The following COL21A1 variants were observed in gnomAD, a reference collection of about 807,000 sequenced individuals.
COL21A1 encodes the protein collagen type XXI alpha 1 chain, also known as collagen alpha-1(XXI) chain.
In COL21A1, 149 loss-of-function variants were observed where a neutral mutation model predicts 137.9. That is an observed-to-expected ratio of 1.08 (90% CI 0.95 to 1.24). The LOEUF (loss-of-function observed/expected upper bound fraction) is 1.24, where lower values mean the gene tolerates loss of function less well. Ranked by LOEUF, COL21A1 falls within the 50% of genes most tolerant of loss-of-function variation. The probability of loss-of-function intolerance (pLI) is 0.00; values close to 1 mark genes in which losing one functional copy is unlikely to be tolerated. For synonymous variants in COL21A1, 456 were observed against 391.5 expected (o/e 1.16, Z -1.95); for missense variants, 1,167 against 1,158.4 (o/e 1.01, Z -0.11).
At position 56,168,313 on chromosome 6, in the gene COL21A1, G is replaced by A. The variant is rs1230701489; in HGVS notation, c.1027-16C>T. 17 of 1,514,058 alleles carry A rather than the reference G, an allele frequency of 1.1e-5. No individual in the cohort carries two copies. The highest frequency in any genetic ancestry group is 1.3e-5 in the Non-Finnish European group (15 of 1,123,318). 93.8% of individuals were successfully genotyped at this position (1,514,058 alleles called of 1,614,324 possible). ...CAAACAACGTCTACAAAAAGAAAGT[G>A]TGGAAGATTCATAAATAAAGCCCCT... On this transcript the variant is annotated splice_polypyrimidine_tract_variant and intron_variant, in intron 5 of 29. Coordinates refer to ENST00000244728, the MANE Select transcript of COL21A1 (RefSeq NM_030820.4).
intron 17 of COL21A1, among the ~76,000 whole-genome samples, chr6:56,091,149 A>G (rs954530190): frequency 7.2e-5 from 11 of 152,178 alleles, no homozygotes; most frequent in African/African-American, 2.7e-4. Context: ...TTCATCATTA[A>G]TGTTCCCCAA....
At chr6:56,116,534 A>G (rs968726983) in intron 16 of COL21A1, among the ~76,000 whole-genome samples, 4 of 151,966 alleles carry the variant, frequency 2.6e-5, no homozygotes, top group African/African-American at 9.7e-5. Flanking sequence ...CAGACCTACC[A>G]TACAAGAAAT....
intron 1 of COL21A1, among the ~76,000 whole-genome samples, chr6:56,333,021 A>G (rs1765265228): frequency 6.6e-6 from 1 of 151,954 alleles, no homozygotes. Context: ...AAATCTATTA[A>G]CCTTTTCTCT....
chr6:56,059,738 ATTT>A (rs1765630559), intron 28 of COL21A1, among the ~76,000 whole-genome samples: 3 of 152,172 alleles, frequency 2.0e-5, no homozygotes, highest in Non-Finnish European at 4.4e-5. Flanking sequence ...GTGATTTTCT[ATTT>A]AAAAACTTTT....
At chr6:56,120,815 A>C (rs1053992604) in intron 16 of COL21A1, among the ~76,000 whole-genome samples, 1 of 151,916 alleles carries the variant, frequency 6.6e-6, no homozygotes, top group East Asian at 1.9e-4. Context: ...AAAAAAAAAA[A>C]AACTAAAAAT....
chr6:56,200,246 T>C (rs571701566), intron 1 of COL21A1, among the ~76,000 whole-genome samples: 13 of 152,286 alleles, frequency 8.5e-5, no homozygotes, highest in African/African-American at 3.1e-4. Flanking sequence ...TAGAATTGTT[T>C]TTCCTAAATG....
At chr6:56,216,326 T>C (rs1330790298) in intron 1 of COL21A1, among the ~76,000 whole-genome samples, 1 of 152,066 alleles carries the variant, frequency 6.6e-6, no homozygotes, top group Non-Finnish European at 1.5e-5. Flanking sequence ...GGATAATTTA[T>C]TTTTAGGAAA....
intron 14 of COL21A1, among the ~76,000 whole-genome samples, chr6:56,125,015 T>C (rs1253123777): frequency 1.6e-4 from 14 of 85,184 alleles, no homozygotes; most frequent in African/African-American, 7.2e-4. Flanking sequence ...GTAAATCTTT[T>C]TTTTTTTTTT....
intron 1 of COL21A1, among the ~76,000 whole-genome samples, chr6:56,336,446 G>A (rs1489522984): frequency 6.6e-6 from 1 of 152,016 alleles, no homozygotes; most frequent in Non-Finnish European, 1.5e-5. Context: ...AACTAAATAT[G>A]GTAGAACAAA....
intron 17 of COL21A1, among the ~76,000 whole-genome samples, chr6:56,086,530 T>C (rs1340030734): frequency 1.3e-5 from 2 of 152,152 alleles, no homozygotes; most frequent in Non-Finnish European, 2.9e-5. Context: ...TATCTACTAT[T>C]CATTAAGTGG....
chr6:56,074,292 T>A lies in COL21A1; in HGVS notation c.1912-7A>T, dbSNP rs762409634. 6.4e-7 allele frequency: 1 copy of A among 1,566,986 alleles called. No homozygotes were observed. The highest frequency in any genetic ancestry group is 8.6e-7 in the Non-Finnish European group (1 of 1,156,726). ...CATTGCTTCCCATTAAACCCTACAA[T>A]TTTAAAAAGGAATTTCAAGAGTAAC... On this transcript the variant is annotated splice_region_variant and splice_polypyrimidine_tract_variant and intron_variant, in intron 19 of 29. Transcript: ENST00000244728.
chr6:56,323,194 C>A (rs549657215), intron 1 of COL21A1, among the ~76,000 whole-genome samples: 1 of 152,168 alleles, frequency 6.6e-6, no homozygotes, highest in African/African-American at 2.4e-5. Flanking sequence ...TTAAAAAATT[C>A]TCAAGTATTT....
intron 16 of COL21A1, among the ~76,000 whole-genome samples, chr6:56,120,763 C>T (rs1772417973): frequency 6.7e-6 from 1 of 150,046 alleles, no homozygotes; most frequent in Admixed American, 6.6e-5. Flanking sequence ...CATTGCACTC[C>T]AGCCTGGGCA....
intron 17 of COL21A1, among the ~76,000 whole-genome samples, chr6:56,085,447 A>G (rs150177560): frequency 8.5e-4 from 130 of 152,246 alleles, no homozygotes; most frequent in African/African-American, 2.8e-3. Context: ...ATTTGGAAAT[A>G]TAATTTCATA....
chr6:56,324,193 T>A (rs1230990390), intron 1 of COL21A1, among the ~76,000 whole-genome samples: 1 of 152,088 alleles, frequency 6.6e-6, no homozygotes, highest in African/African-American at 2.4e-5. Flanking sequence ...TATCCTTCAA[T>A]CTCTGAGGGT....
intron 1 of COL21A1, among the ~76,000 whole-genome samples, chr6:56,203,094 A>G (rs894066719): frequency 1.3e-5 from 2 of 152,154 alleles, no homozygotes; most frequent in Non-Finnish European, 2.9e-5. Context: ...TTGTCAAAAT[A>G]TTTTATTTTA....
intron 16 of COL21A1, among the ~76,000 whole-genome samples, chr6:56,110,882 G>T (rs1771366663): frequency 6.6e-6 from 1 of 152,040 alleles, no homozygotes; most frequent in Non-Finnish European, 1.5e-5. Context: ...ATATTGTTAA[G>T]ATGGCAACTC....
In COL21A1 at chr6:56,077,526, T is replaced by TA. The variant is rs1562158846; in HGVS notation, c.1857+2dup. 6.4e-7 allele frequency: 1 copy of TA among 1,573,970 alleles called. No individual in the cohort carries two copies. Among genetic ancestry groups the TA allele is most frequent in the Non-Finnish European group, 8.6e-7 (1 of 1,157,242 alleles). ...CCCAAAGCTAACTCTCATGAATACT[T>TA]ACCTTTTGGCCCATTAATCCTCGGT... On this transcript the variant is annotated splice_region_variant and intron_variant, in intron 18 of 29. Transcript: ENST00000244728.
intron 24 of COL21A1, among the ~76,000 whole-genome samples, chr6:56,063,579 G>GTTACTT (rs755369266): frequency 9.9e-5 from 15 of 151,968 alleles, no homozygotes; most frequent in Non-Finnish European, 1.6e-4. Flanking sequence ...CCTCCTCTTG[G>GTTACTT]TTACTTTTAC....
Sources: gnomAD v4.1 joint callset for allele counts (sites outside exome capture counted in the v4.1 genomes callset) on GRCh38, gnomAD v4.1.1 for gene constraint, MANE v1.5 for transcripts, NCBI Gene and HGNC (gene_info 2026-07-23, HGNC 2026-07-21) for gene names.